Variants in NTRK3 observed in about 807,000 individuals in gnomAD.
The protein encoded by NTRK3 is neurotrophic receptor tyrosine kinase 3, also known as NT-3 growth factor receptor.
NTRK3 carries 24 observed loss-of-function variants against 91.7 expected under a neutral mutation model. The ratio of observed to expected loss-of-function variants is 0.26; its 90% CI spans 0.19 to 0.37. The LOEUF is 0.37. Ranked by LOEUF, NTRK3 falls within the 10% of genes least tolerant of loss-of-function variation. NTRK3 has a pLI of 1.00. For missense variants in NTRK3, 880 were observed against 1,068.9 expected (o/e 0.82, Z 2.46); for synonymous variants, 483 against 404.0 (o/e 1.20, Z -2.34).
Position 88,078,204 on chromosome 15 carries a change from G to T in NTRK3, c.1397-45159C>A, listed in dbSNP as rs138045380. Among the ~76,000 whole-genome samples the T allele has an allele frequency of 3.9e-5, 6 of 152,328 alleles. No individual in the cohort carries two copies. In the East Asian group the frequency reaches 7.7e-4, roughly 20 times the overall value. On this transcript the variant is annotated intron_variant, in intron 13 of 18. Transcript: ENST00000394480. ...TCCTCTTAGCATGGGCTCAGGGTCT[G>T]TTGCAATGTACACCCTATTGTATGT... is the stretch of plus-strand genomic sequence containing the variant.
intron 3 of NTRK3, among the ~76,000 whole-genome samples, chr15:88,227,894 C>T (rs2050820098): frequency 6.6e-6 from 1 of 152,110 alleles, no homozygotes; most frequent in African/African-American, 2.4e-5. Context: ...TCTCCTTACT[C>T]CTGTATCCAG....
At chr15:87,981,553 T>A (rs1364107057) in intron 14 of NTRK3, among the ~76,000 whole-genome samples, 3 of 152,170 alleles carry the variant, frequency 2.0e-5, no homozygotes. Context: ...ATCCTAAGAA[T>A]CTCACCCTGG....
At chr15:88,126,245 C>A (rs1412575243) in intron 13 of NTRK3, 26 bp downstream of exon 13, 2 of 1,497,920 alleles carry the variant, frequency 1.3e-6, no homozygotes, top group Non-Finnish European at 1.9e-6. Context: ...CCCATGACGC[C>A]CTTGAAAATG....
Position 88,009,087 on chromosome 15 carries a change from T to C in NTRK3, c.1585+23770A>G, listed in dbSNP as rs375281356. On this transcript the variant is annotated intron_variant, in intron 14 of 18. Transcript: ENST00000394480. ...AGTTGAGTGGGAAGAGACTTGTCAT[T>C]GTCTGCATGTTTTTGAGGCTTATAG... 5.3e-5 allele frequency among the ~76,000 whole-genome samples: 8 copies of C among 152,326 alleles called. No individual in the cohort carries two copies. In the East Asian group the frequency reaches 9.7e-4, roughly 18 times the overall value.
intron 17 of NTRK3, among the ~76,000 whole-genome samples, chr15:87,910,229 G>A: frequency 6.6e-6 from 1 of 152,202 alleles, no homozygotes; most frequent in Non-Finnish European, 1.5e-5. Context: ...AGGAGCCCTG[G>A]GGGAAGAGCT....
intron 13 of NTRK3, among the ~76,000 whole-genome samples, chr15:88,048,003 T>C (rs1040489411): frequency 2.0e-5 from 3 of 152,210 alleles, no homozygotes; most frequent in African/African-American, 7.2e-5. Flanking sequence ...CTAAACTCCC[T>C]TTGAGGCAGT....
chr15:88,152,607 T>A (rs2043489684), intron 5 of NTRK3, among the ~76,000 whole-genome samples: 5 of 152,254 alleles, frequency 3.3e-5, no homozygotes. Flanking sequence ...AATAAATTTA[T>A]GTTGTTTAAC....
intron 15 of NTRK3, among the ~76,000 whole-genome samples, chr15:87,936,466 C>T (rs1314289605): frequency 1.3e-5 from 2 of 151,634 alleles, no homozygotes; most frequent in African/African-American, 4.8e-5. Context: ...CACAACTTCT[C>T]GACAGCTCCC....
chr15:88,183,607 C>T lies in NTRK3; in HGVS notation c.324-118G>A, dbSNP rs931824304. The T allele has an allele frequency of 3.2e-6, 3 of 932,808 alleles. No homozygotes were observed. The African/African-American group carries it at 4.8e-5, about 15-fold the overall frequency. The allele number at this position is 932,808 out of a possible 1,614,324, so 57.8% of individuals were successfully genotyped here. On this transcript the variant is annotated intron_variant, in intron 4 of 18. Transcript: ENST00000394480. ...GCCCTGCAGCCGCCCTGTGGATTATCTACACCTCTTCATTGCCAGTTATCA... is the reference window on the plus strand; with the variant it reads ...GCCCTGCAGCCGCCCTGTGGATTATTTACACCTCTTCATTGCCAGTTATCA...
intron 14 of NTRK3, among the ~76,000 whole-genome samples, chr15:87,948,509 G>A (rs192842743): frequency 4.6e-5 from 7 of 152,244 alleles, no homozygotes; most frequent in South Asian, 4.2e-4. Context: ...CCAACATGGC[G>A]AAACCCCATC....
intron 14 of NTRK3, among the ~76,000 whole-genome samples, chr15:87,994,034 T>C (rs1424494587): frequency 6.6e-6 from 1 of 152,138 alleles, no homozygotes; most frequent in Non-Finnish European, 1.5e-5. Flanking sequence ...GATTATATTA[T>C]GGTATTTCAC....
Position 87,988,246 on chromosome 15 carries a change from C to T in NTRK3, c.1585+44611G>A, listed in dbSNP as rs200735419. On this transcript the variant is annotated intron_variant, in intron 14 of 18. Coordinates refer to ENST00000394480, the Ensembl canonical transcript of NTRK3. ...CTGACAGCCAAAATTGAGAGATATT[C>T]TACATGAAACCTGACCATCAAGGTA... Among the ~76,000 whole-genome samples, 31 of 152,300 alleles carry T rather than the reference C, an allele frequency of 2.0e-4. 1 individual carries two copies. In the East Asian group the frequency reaches 5.8e-3, roughly 28 times the overall value.
intron 3 of NTRK3, among the ~76,000 whole-genome samples, chr15:88,215,294 T>C (rs544259246): frequency 1.9e-3 from 285 of 152,342 alleles, no homozygotes; most frequent in Non-Finnish European, 3.1e-3. Flanking sequence ...GGAAAGCAGC[T>C]GTCACCCGGG....
At chr15:88,228,788 GA>G (rs1423333966) in intron 3 of NTRK3, among the ~76,000 whole-genome samples, 1 of 152,148 alleles carries the variant, frequency 6.6e-6, no homozygotes, top group Non-Finnish European at 1.5e-5. Flanking sequence ...AGCACCCCCA[GA>G]AGCCCCTCCA....
chr15:87,970,417 G>A (rs534896156), intron 14 of NTRK3, among the ~76,000 whole-genome samples: 12 of 152,342 alleles, frequency 7.9e-5, no homozygotes, highest in African/African-American at 2.4e-4. Flanking sequence ...GCTGGGTAGC[G>A]TGCTGGGTGT....
exon 19 of NTRK3, chr15:87,876,599 A>G (rs1204254318): frequency 4.6e-6 from 1 of 218,506 alleles, no homozygotes; most frequent in East Asian, 6.8e-5. Flanking sequence ...TTGTATTATT[A>G]ATATTTTAGA....
chr15:87,996,245 AAAAATAAAAT>A (rs539386167), intron 14 of NTRK3, among the ~76,000 whole-genome samples: 6 of 152,264 alleles, frequency 3.9e-5, no homozygotes, highest in South Asian at 2.1e-4. Flanking sequence ...CTCCGTCTCT[AAAAATAAAAT>A]AAAATAAAAT....
chr15:88,120,609 G>A (rs1233680542), intron 13 of NTRK3, among the ~76,000 whole-genome samples: 1 of 152,186 alleles, frequency 6.6e-6, no homozygotes, highest in Non-Finnish European at 1.5e-5. Flanking sequence ...GAAGTTCTTG[G>A]AGCCTACTCC....
At chr15:88,256,676 G>A (rs1379650931) in exon 1 of NTRK3, 5 of 400,018 alleles carry the variant, frequency 1.2e-5, no homozygotes, top group Admixed American at 4.4e-5. Flanking sequence ...GAAGGAAGAT[G>A]CAGTAGGAGC....
Sources: gnomAD v4.1 joint callset for allele counts (sites outside exome capture counted in the v4.1 genomes callset) on GRCh38, gnomAD v4.1.1 for gene constraint, MANE v1.5 for transcripts, NCBI Gene and HGNC (gene_info 2026-07-23, HGNC 2026-07-21) for gene names.